The following CPVL variants were observed in gnomAD, a reference collection of about 807,000 sequenced individuals.
CPVL encodes the protein probable serine carboxypeptidase CPVL.
In CPVL, 51 loss-of-function variants were observed where a neutral mutation model predicts 63.7. That is an observed-to-expected ratio of 0.80 (90% CI 0.64 to 1.01). The LOEUF is 1.01. Ranked by LOEUF, CPVL falls within the 50% of genes least tolerant of loss-of-function variation. The pLI is 0.00. For synonymous variants in CPVL, 195 were observed against 206.0 expected (o/e 0.95, Z 0.46); for missense variants, 530 against 573.1 (o/e 0.92, Z 0.77).
At chr7:29,150,205 T>A (rs1430487681), upstream of CPVL, among the ~76,000 whole-genome samples, 1 of 152,236 alleles carries the variant, frequency 6.6e-6, no homozygotes, top group Non-Finnish European at 1.5e-5. Flanking sequence ...AGTTTGAATC[T>A]AGAACCTTGC....
At chr7:29,057,177 G>C (rs1790826929) in intron 11 of CPVL, among the ~76,000 whole-genome samples, 1 of 151,884 alleles carries the variant, frequency 6.6e-6, no homozygotes, top group South Asian at 2.1e-4. Flanking sequence ...GTCCAAGCTG[G>C]TTTCAAACTC....
upstream of CPVL, among the ~76,000 whole-genome samples, chr7:29,147,480 C>T (rs1584412086): frequency 1.3e-5 from 2 of 152,318 alleles, no homozygotes. Context: ...CTAACTAAAG[C>T]ACTAGTTTTA....
At chr7:29,114,244 T>C (rs911047363) in intron 2 of CPVL, among the ~76,000 whole-genome samples, 3 of 152,162 alleles carry the variant, frequency 2.0e-5, no homozygotes, top group African/African-American at 7.2e-5. Context: ...GTTCCTATTT[T>C]ACAAGGCCAG....
At chr7:29,160,487 C>T (rs1297935028) in intron 5 of CPVL, among the ~76,000 whole-genome samples, 3 of 152,132 alleles carry the variant, frequency 2.0e-5, no homozygotes, top group Non-Finnish European at 4.4e-5. Flanking sequence ...ACCCCTTTTC[C>T]CTTTGCCACT....
At chr7:29,109,048 C>A (rs1788001525) in intron 3 of CPVL, among the ~76,000 whole-genome samples, 1 of 152,182 alleles carries the variant, frequency 6.6e-6, no homozygotes, top group African/African-American at 2.4e-5. Context: ...ACAATTCCTT[C>A]CTCATGGGGT....
chr7:29,069,449 A>G lies in CPVL; in HGVS notation c.864+2324T>C, dbSNP rs941028814. Among the ~76,000 whole-genome samples the G allele has an allele frequency of 2.4e-3, 359 of 151,964 alleles. 1 individual carries two copies. The highest frequency in any genetic ancestry group is 4.8e-3 in the Non-Finnish European group (323 of 67,930). On this transcript the variant is annotated intron_variant, in intron 9 of 12. Transcript: ENST00000265394. ...GAGCGAGACTCCGTCTCAAAAAAAA[A>G]AAAAAAAAAAAGAAAAAGTCAGTTG... is the stretch of plus-strand genomic sequence containing the variant.
intron 3 of CPVL, among the ~76,000 whole-genome samples, chr7:29,099,572 C>T (rs953246012): frequency 6.6e-6 from 1 of 152,080 alleles, no homozygotes; most frequent in Non-Finnish European, 1.5e-5. Flanking sequence ...ATTAGCTGGG[C>T]ATGGTGGCAG....
chr7:29,029,762 C>T (rs1304582999), intron 12 of CPVL, among the ~76,000 whole-genome samples: 3 of 151,988 alleles, frequency 2.0e-5, no homozygotes, highest in South Asian at 2.1e-4. Flanking sequence ...TAGTTAAGAA[C>T]GATATATTGT....
chr7:29,060,651 C>G (rs1791179277), intron 11 of CPVL, among the ~76,000 whole-genome samples: 1 of 152,164 alleles, frequency 6.6e-6, no homozygotes, highest in African/African-American at 2.4e-5. Context: ...TACATAGAAA[C>G]TAACGTAGTT....
At chr7:29,189,216 G>C (rs1490642759) in intron 1 of CPVL, among the ~76,000 whole-genome samples, 1 of 151,822 alleles carries the variant, frequency 6.6e-6, no homozygotes, top group African/African-American at 2.4e-5. Context: ...CCTCCCAAAG[G>C]GCTGGGATTA....
At position 29,072,777 on chromosome 7, in the gene CPVL, GAA is replaced by G. The variant is rs547853104; in HGVS notation, c.610-356_610-355del. Among the ~76,000 whole-genome samples the G allele has an allele frequency of 1.4e-4, 22 of 152,182 alleles. No individual in the cohort carries two copies. The East Asian group carries it at 4.2e-3, about 29-fold the overall frequency. The stretch of plus-strand genomic sequence containing the variant: ...GAAAGCTCTATTCAAAGATTAGAGG[GAA>G]AAAAATCTCAAGTTTAAAATTAAGA... On this transcript the variant is annotated intron_variant, in intron 7 of 12. Coordinates refer to ENST00000265394, the MANE Select transcript of CPVL (RefSeq NM_031311.5).
upstream of CPVL, among the ~76,000 whole-genome samples, chr7:29,148,816 A>C (rs893290783): frequency 1.3e-5 from 2 of 152,206 alleles, no homozygotes; most frequent in African/African-American, 4.8e-5. Context: ...TGATCCCATC[A>C]TACAATATAA....
intron 1 of CPVL, among the ~76,000 whole-genome samples, chr7:29,136,563 C>T (rs1244250568): frequency 6.6e-6 from 1 of 151,904 alleles, no homozygotes; most frequent in East Asian, 1.9e-4. Context: ...ACCAATAAAT[C>T]AAGAAACAGA....
At chr7:29,004,124 G>A (rs560556141) in intron 12 of CPVL, among the ~76,000 whole-genome samples, 1 of 152,302 alleles carries the variant, frequency 6.6e-6, no homozygotes, top group Admixed American at 6.5e-5. Context: ...ATAAAGGATA[G>A]ATAAAATAAT....
chr7:29,153,066 T>C (rs1470016406), intron 5 of CPVL, among the ~76,000 whole-genome samples: 3 of 152,212 alleles, frequency 2.0e-5, no homozygotes, highest in Non-Finnish European at 4.4e-5. Flanking sequence ...TACACCACCA[T>C]GTTGTAGCAC....
intron 5 of CPVL, among the ~76,000 whole-genome samples, chr7:29,151,642 T>C (rs1793610571): frequency 6.6e-6 from 1 of 152,222 alleles, no homozygotes; most frequent in Admixed American, 6.5e-5. Context: ...ATTGATATTA[T>C]GATGAACCTG....
intron 7 of CPVL, among the ~76,000 whole-genome samples, chr7:29,072,997 T>A (rs575111283): frequency 1.3e-5 from 2 of 152,246 alleles, no homozygotes; most frequent in Non-Finnish European, 1.5e-5. Context: ...CTAACAAACA[T>A]GGTAACGGTT....
chr7:29,179,442 C>CTT (rs1211071295), intron 5 of CPVL, among the ~76,000 whole-genome samples: 1 of 152,204 alleles, frequency 6.6e-6, no homozygotes, highest in Non-Finnish European at 1.5e-5. Flanking sequence ...GTTTTGCAGT[C>CTT]TGAGAATTTT....
chr7:29,105,130 T>C (rs1458915047), intron 3 of CPVL, among the ~76,000 whole-genome samples: 4 of 152,200 alleles, frequency 2.6e-5, no homozygotes, highest in Non-Finnish European at 4.4e-5. Flanking sequence ...CTGTGTTAGA[T>C]ACATTTTGAG....
Sources: gnomAD v4.1 joint callset for allele counts (sites outside exome capture counted in the v4.1 genomes callset) on GRCh38, gnomAD v4.1.1 for gene constraint, MANE v1.5 for transcripts, NCBI Gene and HGNC (gene_info 2026-07-23, HGNC 2026-07-21) for gene names.